Variants in MYO18B observed in about 807,000 individuals in gnomAD.
MYO18B encodes unconventional myosin-XVIIIb.
MYO18B carries 204 observed loss-of-function variants against 273.0 expected under a neutral mutation model. The ratio of observed to expected loss-of-function variants is 0.75; its 90% CI spans 0.67 to 0.84. The LOEUF is 0.84. Among genes scored for constraint, MYO18B ranks in the 40% least tolerant of loss-of-function variants. The pLI is 0.00. For missense variants in MYO18B, 3,212 were observed against 3,287.6 expected (o/e 0.98, Z 0.56); for synonymous variants, 1,330 against 1,305.7 (o/e 1.02, Z -0.40).
At chr22:25,886,210 GTTA>G (rs1302799045) in intron 25 of MYO18B, among the ~76,000 whole-genome samples, 3 of 152,208 alleles carry the variant, frequency 2.0e-5, no homozygotes, top group Non-Finnish European at 4.4e-5. Flanking sequence ...GGTGGCGATG[GTTA>G]TTATTATGGT....
chr22:26,014,754 C>T (rs1469558111), intron 42 of MYO18B, among the ~76,000 whole-genome samples: 1 of 152,198 alleles, frequency 6.6e-6, no homozygotes, highest in African/African-American at 2.4e-5. Context: ...AATAGCCATT[C>T]TAACTGGTGT....
intron 12 of MYO18B, among the ~76,000 whole-genome samples, chr22:25,815,101 C>T (rs900687541): frequency 6.6e-6 from 1 of 152,226 alleles, no homozygotes; most frequent in Non-Finnish European, 1.5e-5. Context: ...GGCTCAGACG[C>T]ATGGTGAGTA....
At chr22:25,972,988 C>G (rs2093051817) in intron 39 of MYO18B, among the ~76,000 whole-genome samples, 1 of 150,482 alleles carries the variant, frequency 6.6e-6, no homozygotes, top group African/African-American at 2.4e-5. Flanking sequence ...GAGATAGGAT[C>G]TCCTCCCATG....
intron 39 of MYO18B, among the ~76,000 whole-genome samples, chr22:25,990,239 C>A (rs1035177914): frequency 2.6e-5 from 4 of 152,116 alleles, no homozygotes; most frequent in African/African-American, 9.7e-5. Context: ...TGTAATGGTC[C>A]TCGCTGACTT....
At chr22:25,789,102 C>T (rs62224691) in intron 11 of MYO18B, among the ~76,000 whole-genome samples, 2 of 29,632 alleles carry the variant, frequency 6.7e-5, no homozygotes, top group Non-Finnish European at 2.9e-4. Flanking sequence ...CTTCTTCTTC[C>T]TCCTCCTCCT....
intron 7 of MYO18B, among the ~76,000 whole-genome samples, chr22:25,777,109 C>T (rs1177066040): frequency 6.6e-6 from 1 of 152,180 alleles, no homozygotes; most frequent in South Asian, 2.1e-4. Flanking sequence ...ATGGATGAAG[C>T]AGATACGGTT....
At chr22:25,761,474 G>A (rs1431351358) in intron 2 of MYO18B, among the ~76,000 whole-genome samples, 2 of 152,124 alleles carry the variant, frequency 1.3e-5, no homozygotes, top group Non-Finnish European at 2.9e-5. Context: ...GTGGGAGGAG[G>A]GGCACATGGG....
At chr22:26,038,667 C>T in the MYO18B span, among the ~76,000 whole-genome samples, 1 of 152,184 alleles carries the variant, frequency 6.6e-6, no homozygotes, top group African/African-American at 2.4e-5. Flanking sequence ...CTCCACTCCT[C>T]CTCCTGTTGG....
chr22:26,063,821 A>G, the MYO18B span, among the ~76,000 whole-genome samples: 1 of 152,232 alleles, frequency 6.6e-6, no homozygotes, highest in Non-Finnish European at 1.5e-5. Context: ...ATAGTGTGAT[A>G]GCAATTAAAG....
At chr22:25,996,728 C>A (rs1358017398) in intron 40 of MYO18B, among the ~76,000 whole-genome samples, 2 of 152,018 alleles carry the variant, frequency 1.3e-5, no homozygotes, top group African/African-American at 4.8e-5. Flanking sequence ...GGAATTAAGA[C>A]CCGAATGAAA....
Position 25,769,393 on chromosome 22 carries a change from G to A in MYO18B, c.1477G>A (p.Glu493Lys), listed in dbSNP as rs1332953475. 6.4e-7 allele frequency: 1 copy of A among 1,564,456 alleles called. No individual in the cohort carries two copies. ...CCAAGACGGGCCAGCCCCGCAGGAG[G>A]AGGGCAAAGGAGGCCAGAGCAGAGA... ...ENQDGPAPQE[E>K]GKGGQSRDSD... The change falls in exon 4 of 44, where the codon GAG (glutamate) becomes AAG (lysine). Residue 493 changes from glutamate to lysine, a missense_variant. Transcript: ENST00000335473.
intron 11 of MYO18B, among the ~76,000 whole-genome samples, chr22:25,792,108 A>G (rs1222569078): frequency 1.3e-5 from 2 of 152,056 alleles, no homozygotes; most frequent in South Asian, 2.1e-4. Context: ...CACCTGTGGG[A>G]TGGGTAAAGC....
the MYO18B span, among the ~76,000 whole-genome samples, chr22:26,046,779 C>T: frequency 2.0e-5 from 3 of 152,206 alleles, no homozygotes; most frequent in Non-Finnish European, 4.4e-5. Context: ...AAAATTATTA[C>T]CATGAGTTGT....
rs2086571785 is a variant in MYO18B, at chr22:25,768,141, C to G, written c.225C>G (p.Pro75=). ...REIPEISISQ[P]NSKSSSGTRS... is the part of the protein sequence containing the mutation. ...TCCCAGAAATTTCCATCAGCCAACC[C>G]AACAGCAAGTCCAGCAGTGGCACCA... Residue 75 remains proline, a synonymous_variant, in exon 4 of 44, where the codon CCC becomes CCG. Coordinates refer to ENST00000335473, the MANE Select transcript of MYO18B (RefSeq NM_032608.7). The G allele has an allele frequency of 6.2e-7, 1 of 1,604,748 alleles. No individual in the cohort carries two copies. Among genetic ancestry groups the G allele is most frequent in the African/African-American group, 1.3e-5 (1 of 74,598 alleles).
At chr22:25,903,031 T>C (rs2091969557) in intron 30 of MYO18B, 2 of 325,186 alleles carry the variant, frequency 6.2e-6, no homozygotes, top group Non-Finnish European at 5.8e-6. Context: ...AGCTATAACC[T>C]TGTCCAGGAG....
At chr22:25,873,222 TGGG>T (rs934022143) in intron 22 of MYO18B, among the ~76,000 whole-genome samples, 1 of 152,142 alleles carries the variant, frequency 6.6e-6, no homozygotes, top group Non-Finnish European at 1.5e-5. Flanking sequence ...GGTGGCTTTG[TGGG>T]GTGCCGAGGA....
At chr22:25,899,041 A>T (rs560886692) in intron 29 of MYO18B, 2 of 152,812 alleles carry the variant, frequency 1.3e-5, no homozygotes, top group African/African-American at 4.8e-5. Context: ...TGGCCTTCTC[A>T]TTTAGGACTT....
chr22:25,815,735 CG>C (rs1259996679), intron 12 of MYO18B, among the ~76,000 whole-genome samples: 3 of 152,130 alleles, frequency 2.0e-5, no homozygotes, highest in Non-Finnish European at 4.4e-5. Context: ...TTGTAAATTC[CG>C]CATACATGTT....
intron 36 of MYO18B, among the ~76,000 whole-genome samples, chr22:25,948,749 T>A (rs549211986): frequency 6.6e-6 from 1 of 151,874 alleles, no homozygotes; most frequent in Admixed American, 6.6e-5. Flanking sequence ...GAAGACCTTA[T>A]CATATGGTCA....
Sources: gnomAD v4.1 joint callset for allele counts (sites outside exome capture counted in the v4.1 genomes callset) on GRCh38, gnomAD v4.1.1 for gene constraint, MANE v1.5 for transcripts, NCBI Gene and HGNC (gene_info 2026-07-23, HGNC 2026-07-21) for gene names.